The following GPM6A variants were observed in gnomAD, a reference collection of about 807,000 sequenced individuals.
GPM6A encodes glycoprotein M6A.
In GPM6A, 7 loss-of-function variants were observed where a neutral mutation model predicts 32.1. That is an observed-to-expected ratio of 0.22 (90% CI 0.12 to 0.41). GPM6A has a LOEUF of 0.41. Ranked by LOEUF, GPM6A falls within the 10% of genes least tolerant of loss-of-function variation. The probability of loss-of-function intolerance (pLI) is 1.00; values close to 1 mark genes in which losing one functional copy is unlikely to be tolerated. For missense variants in GPM6A, 235 were observed against 347.2 expected, an observed-to-expected ratio of 0.68 and a Z score of 2.57; for synonymous variants, 130 against 123.4, an observed-to-expected ratio of 1.05 and a Z score of -0.35.
intron 1 of GPM6A, among the ~76,000 whole-genome samples, chr4:175,794,463 G>A (rs1335550357): frequency 6.6e-6 from 1 of 152,126 alleles, no homozygotes; most frequent in Non-Finnish European, 1.5e-5. Flanking sequence ...ACTTAAACAA[G>A]GAATTGTTTA....
chr4:175,775,084 G>C lies in GPM6A; in HGVS notation c.37+37107C>G, dbSNP rs970752334. 8.5e-5 allele frequency among the ~76,000 whole-genome samples: 13 copies of C among 152,222 alleles called. 1 individual carries two copies. The highest frequency in any genetic ancestry group is 4.1e-4 in the South Asian group (2 of 4,822). ...AGCGTGTAAAGTCTACCATGGCTTAGAAGGTTCACAACCATATCAGTGTAA... is the reference window on the plus strand; with the variant it reads ...AGCGTGTAAAGTCTACCATGGCTTACAAGGTTCACAACCATATCAGTGTAA... On this transcript the variant is annotated intron_variant, in intron 1 of 6. Coordinates refer to ENST00000393658, the MANE Select transcript of GPM6A (RefSeq NM_201591.3).
intron 4 of GPM6A, among the ~76,000 whole-genome samples, chr4:175,647,792 CTT>C (rs1741546927): frequency 6.6e-6 from 1 of 152,136 alleles, no homozygotes; most frequent in Admixed American, 6.5e-5. Context: ...GAATGGTTCT[CTT>C]CTGATGCTTC....
chr4:175,687,612 T>A (rs1744058486), intron 2 of GPM6A, among the ~76,000 whole-genome samples: 1 of 152,156 alleles, frequency 6.6e-6, no homozygotes, highest in African/African-American at 2.4e-5. Context: ...TCTTGAATAC[T>A]GTGAATTATG....
At chr4:175,945,972 G>A (rs1739592180) in intron 1 of GPM6A, among the ~76,000 whole-genome samples, 1 of 151,824 alleles carries the variant, frequency 6.6e-6, no homozygotes, top group African/African-American at 2.4e-5. Context: ...CCACATATAA[G>A]TAATGGACAT....
intron 1 of GPM6A, among the ~76,000 whole-genome samples, chr4:175,855,625 A>C (rs1183097143): frequency 6.6e-6 from 1 of 152,214 alleles, no homozygotes; most frequent in Non-Finnish European, 1.5e-5. Context: ...GTACTAGATT[A>C]ATGTACTGGA....
At chr4:175,904,487 A>T (rs990895774) in intron 1 of GPM6A, among the ~76,000 whole-genome samples, 1 of 152,146 alleles carries the variant, frequency 6.6e-6, no homozygotes, top group African/African-American at 2.4e-5. Flanking sequence ...AACACATATA[A>T]AATGCACACA....
At chr4:175,736,425 GA>G (rs1359875092) in intron 1 of GPM6A, among the ~76,000 whole-genome samples, 1 of 152,124 alleles carries the variant, frequency 6.6e-6, no homozygotes, top group Non-Finnish European at 1.5e-5. Context: ...CTGTTTTAAA[GA>G]ATGACCACCT....
chr4:175,733,572 T>A (rs996724965), intron 1 of GPM6A, among the ~76,000 whole-genome samples: 2 of 152,158 alleles, frequency 1.3e-5, no homozygotes, highest in South Asian at 4.1e-4. Flanking sequence ...ATTTTACCTA[T>A]GTGAGGAGAA....
intron 4 of GPM6A, among the ~76,000 whole-genome samples, chr4:175,649,131 A>G (rs1741638341): frequency 6.6e-6 from 1 of 152,194 alleles, no homozygotes; most frequent in Non-Finnish European, 1.5e-5. Context: ...CCTGCTGGGT[A>G]GCTATATCCC....
At chr4:175,901,691 G>A (rs1370411157) in intron 1 of GPM6A, among the ~76,000 whole-genome samples, 1 of 138,052 alleles carries the variant, frequency 7.2e-6, no homozygotes, top group Non-Finnish European at 1.5e-5. Context: ...AGGCTGGAGT[G>A]CAGTGGTGTA....
Position 175,760,135 on chromosome 4 carries a change from C to T in GPM6A, c.37+52056G>A, listed in dbSNP as rs558135228. On this transcript the variant is annotated intron_variant, in intron 1 of 6. Coordinates refer to ENST00000393658, the MANE Select transcript of GPM6A (RefSeq NM_201591.3). ...AGGTTGCAGTGAGCGGAGATCACTCCGCTATACTCCAGCCTGGGTAGCAGA... is the reference window on the plus strand; with the variant it reads ...AGGTTGCAGTGAGCGGAGATCACTCTGCTATACTCCAGCCTGGGTAGCAGA... Among the ~76,000 whole-genome samples the T allele has an allele frequency of 3.3e-3, 497 of 152,038 alleles. 3 individuals carry two copies. The highest frequency in any genetic ancestry group is 0.01 in the African/African-American group (425 of 41,468).
chr4:175,709,037 C>T (rs1400067042), intron 1 of GPM6A, among the ~76,000 whole-genome samples: 3 of 152,282 alleles, frequency 2.0e-5, no homozygotes, highest in Admixed American at 2.0e-4. Flanking sequence ...TATTCTATTT[C>T]TTCTTAAATC....
At chr4:175,835,164 C>T (rs1194377347) in intron 1 of GPM6A, among the ~76,000 whole-genome samples, 1 of 152,164 alleles carries the variant, frequency 6.6e-6, no homozygotes, top group East Asian at 1.9e-4. Context: ...GGTCTTTGTA[C>T]TGTACCGTGC....
intron 1 of GPM6A, among the ~76,000 whole-genome samples, chr4:175,796,600 A>G (rs1462072834): frequency 1.3e-5 from 2 of 152,178 alleles, no homozygotes; most frequent in Non-Finnish European, 2.9e-5. Flanking sequence ...AGTGTTTTTC[A>G]TTATAAGTAT....
intron 1 of GPM6A, among the ~76,000 whole-genome samples, chr4:175,933,062 T>TATAGTTATTTC (rs1739103503): frequency 1.3e-5 from 2 of 151,928 alleles, no homozygotes; most frequent in Non-Finnish European, 2.9e-5. Flanking sequence ...AAGAAATGTC[T>TATAGTTATTTC]TTATATAAAG....
chr4:175,697,069 A>G (rs1405136143), intron 2 of GPM6A, among the ~76,000 whole-genome samples: 2 of 152,164 alleles, frequency 1.3e-5, no homozygotes, highest in African/African-American at 2.4e-5. Context: ...AATTAATAAA[A>G]TTTTGAAAAT....
chr4:175,911,443 C>T (rs748896711), intron 1 of GPM6A, among the ~76,000 whole-genome samples: 2 of 152,140 alleles, frequency 1.3e-5, no homozygotes, highest in African/African-American at 2.4e-5. Flanking sequence ...CTATTATCCC[C>T]TGCTTTTCAG....
At chr4:175,973,782 C>G (rs1398267282) in intron 1 of GPM6A, among the ~76,000 whole-genome samples, 1 of 152,194 alleles carries the variant, frequency 6.6e-6, no homozygotes, top group Non-Finnish European at 1.5e-5. Context: ...TTCACCCAGA[C>G]TCTCATTACT....
At chr4:175,790,648 C>T (rs552177232) in intron 1 of GPM6A, among the ~76,000 whole-genome samples, 2 of 152,204 alleles carry the variant, frequency 1.3e-5, no homozygotes, top group South Asian at 2.1e-4. Context: ...TATCTCAACA[C>T]GATTTTAATT....
Sources: allele counts gnomAD v4.1 joint callset (sites outside exome capture counted in the v4.1 genomes callset), GRCh38; gene constraint gnomAD v4.1.1; transcripts MANE v1.5; gene names NCBI Gene and HGNC (gene_info 2026-07-23, HGNC 2026-07-21).